Variants in CDS2 observed in about 807,000 individuals in gnomAD.
The protein encoded by CDS2 is CDP-diacylglycerol synthase 2, also known as phosphatidate cytidylyltransferase 2.
CDS2 carries 47 observed loss-of-function variants against 59.0 expected under a neutral mutation model. The ratio of observed to expected loss-of-function variants is 0.80; its 90% CI spans 0.63 to 1.02. The LOEUF (loss-of-function observed/expected upper bound fraction) is 1.02, where lower values mean the gene tolerates loss of function less well. Among genes scored for constraint, CDS2 ranks in the 50% least tolerant of loss-of-function variants. The pLI is 0.00. For synonymous variants in CDS2, 207 were observed against 206.4 expected (o/e 1.00, Z -0.02); for missense variants, 356 against 558.9 (o/e 0.64, Z 3.66).
intron 1 of CDS2, among the ~76,000 whole-genome samples, chr20:5,158,190 CAG>C (rs1192630346): frequency 8.0e-6 from 1 of 125,362 alleles, no homozygotes; most frequent in African/African-American, 3.0e-5. Flanking sequence ...TTTTTTAAGA[CAG>C]AGTTTTGCTC....
rs369765678 is a variant in CDS2, at chr20:5,185,865, A to G, written c.828+39A>G. ...TTCAGCTGTGTAAGGGATTGGGTGG[A>G]CAGAGGCCTCATACCACCTTCCAAG... On this transcript the variant is annotated intron_variant, in intron 9 of 12. Transcript: ENST00000460006. 6.9e-5 allele frequency: 109 copies of G among 1,579,414 alleles called. No individual in the cohort carries two copies. The Middle Eastern group carries it at 8.4e-4, about 12-fold the overall frequency.
At chr20:5,185,222 A>G (rs889556211) in intron 8 of CDS2, among the ~76,000 whole-genome samples, 7 of 152,164 alleles carry the variant, frequency 4.6e-5, no homozygotes. Flanking sequence ...GGTGTTCAAA[A>G]GCAGCCTGGG....
intron 6 of CDS2, 103 bp downstream of exon 6, chr20:5,182,548 G>A: frequency 9.5e-7 from 1 of 1,050,566 alleles, no homozygotes; most frequent in Non-Finnish European, 1.4e-6. Flanking sequence ...CAAAACTCAG[G>A]AACATGGTCT....
At chr20:5,162,187 A>T (rs1014970265) in intron 1 of CDS2, among the ~76,000 whole-genome samples, 7 of 152,246 alleles carry the variant, frequency 4.6e-5, no homozygotes, top group Non-Finnish European at 8.8e-5. Flanking sequence ...TTAAGGGTCG[A>T]ACATCCCAAA....
rs1026785973 is a variant in CDS2 at position 5,191,325 on chromosome 20, A to G, written c.*1091A>G. ...GAGCCTTGACTATTTTGAAGATTAA[A>G]TGCACACTTTTTATATAATGTGACC... On this transcript the variant is annotated 3_prime_UTR_variant, in exon 13 of 13. Coordinates refer to ENST00000460006, the MANE Select transcript of CDS2 (RefSeq NM_003818.4). The G allele has an allele frequency of 1.3e-5, 2 of 152,230 alleles. No homozygotes were observed. The highest frequency in any genetic ancestry group is 4.8e-5 in the African/African-American group (2 of 41,446). The allele number at this position is 152,230 out of a possible 1,614,324, so 9.4% of individuals were successfully genotyped here.
chr20:5,157,043 GCA>G (rs1390166285), intron 1 of CDS2, among the ~76,000 whole-genome samples: 1 of 152,172 alleles, frequency 6.6e-6, no homozygotes, highest in Admixed American at 6.5e-5. Flanking sequence ...GACCATTACT[GCA>G]CAGAGTGGAA....
chr20:5,142,257 GCCAGCATGGTGAAACCCCATCTCTACTA>G (rs928158511), intron 1 of CDS2, among the ~76,000 whole-genome samples: 16 of 152,090 alleles, frequency 1.1e-4, no homozygotes, highest in African/African-American at 3.6e-4. Flanking sequence ...GACCACCCTG[GCCAGCATGGTGAAACCCCATCTCTACTA>G]AAAATAGAAA....
chr20:5,141,462 G>A (rs1179473216), intron 1 of CDS2, among the ~76,000 whole-genome samples: 1 of 152,152 alleles, frequency 6.6e-6, no homozygotes, highest in East Asian at 1.9e-4. Flanking sequence ...GGGGGGTGGT[G>A]CACCCCAGCT....
At chr20:5,143,730 GTC>G (rs1833114275) in intron 1 of CDS2, among the ~76,000 whole-genome samples, 1 of 142,274 alleles carries the variant, frequency 7.0e-6, no homozygotes, top group Non-Finnish European at 1.5e-5. Context: ...ATCTGTTTGA[GTC>G]TCTGCTTTCA....
chr20:5,142,249 C>A (rs1216222977), intron 1 of CDS2, among the ~76,000 whole-genome samples: 1 of 152,048 alleles, frequency 6.6e-6, no homozygotes, highest in South Asian at 2.1e-4. Flanking sequence ...GAGTTTGAGA[C>A]CACCCTGGCC....
At chr20:5,177,053 G>C (rs1392030864) in intron 4 of CDS2, among the ~76,000 whole-genome samples, 5 of 152,134 alleles carry the variant, frequency 3.3e-5, no homozygotes. Context: ...CAGACTGTGT[G>C]GTTGGCCTTG....
At chr20:5,153,385 G>T (rs1390513049) in intron 1 of CDS2, among the ~76,000 whole-genome samples, 1 of 152,180 alleles carries the variant, frequency 6.6e-6, no homozygotes, top group Non-Finnish European at 1.5e-5. Flanking sequence ...TCCCAGGGAA[G>T]CGTCTCTCCT....
At chr20:5,162,186 G>A (rs1005370972) in intron 1 of CDS2, among the ~76,000 whole-genome samples, 1 of 152,098 alleles carries the variant, frequency 6.6e-6, no homozygotes, top group African/African-American at 2.4e-5. Flanking sequence ...ATTAAGGGTC[G>A]AACATCCCAA....
intron 1 of CDS2, among the ~76,000 whole-genome samples, chr20:5,166,462 C>G (rs1050875660): frequency 2.1e-4 from 32 of 151,900 alleles, no homozygotes; most frequent in Non-Finnish European, 5.9e-5. Context: ...GATTTAGGGT[C>G]TGTAGCTCAA....
chr20:5,188,941 C>T lies in CDS2; in HGVS notation c.982-126C>T, dbSNP rs551263927. The T allele has an allele frequency of 8.0e-4, 958 of 1,193,764 alleles. 2 individuals carry two copies. The highest frequency in any genetic ancestry group is 1.0e-3 in the Non-Finnish European group (864 of 825,522). The allele number at this position is 1,193,764 out of a possible 1,614,324, so 73.9% of individuals were successfully genotyped here. A position where few individuals can be genotyped will look rare whatever the true frequency, so the allele number is the denominator to read the frequency against. On this transcript the variant is annotated intron_variant, in intron 10 of 12. Transcript: ENST00000460006. ...GGGATTTGCCCCTGTGACCCAAACA[C>T]CTCCCACTAGGCATCACCTCCCAGT... is the stretch of plus-strand genomic sequence containing the variant.
chr20:5,177,748 C>T (rs569720937), intron 4 of CDS2, among the ~76,000 whole-genome samples: 55 of 152,250 alleles, frequency 3.6e-4, no homozygotes, highest in African/African-American at 1.2e-3. Context: ...GGCTGGGCAC[C>T]CCCTTCCTGA....
chr20:5,162,393 A>G (rs1007147698), intron 1 of CDS2, among the ~76,000 whole-genome samples: 4 of 152,188 alleles, frequency 2.6e-5, no homozygotes, highest in Non-Finnish European at 5.9e-5. Context: ...CATTTTGGTT[A>G]AGGGGTATTC....
At chr20:5,164,525 C>T (rs1322471174) in intron 1 of CDS2, among the ~76,000 whole-genome samples, 1 of 152,002 alleles carries the variant, frequency 6.6e-6, no homozygotes, top group African/African-American at 2.4e-5. Context: ...CACACTTGAG[C>T]CCAGTTTTGA....
chr20:5,162,758 A>G (rs2090884334), intron 1 of CDS2, among the ~76,000 whole-genome samples: 1 of 152,158 alleles, frequency 6.6e-6, no homozygotes, highest in African/African-American at 2.4e-5. Context: ...GAAGTCAGGT[A>G]GACTTCAAAG....
Sources: gnomAD v4.1 joint callset for allele counts (sites outside exome capture counted in the v4.1 genomes callset) on GRCh38, gnomAD v4.1.1 for gene constraint, MANE v1.5 for transcripts, NCBI Gene and HGNC (gene_info 2026-07-23, HGNC 2026-07-21) for gene names.